PDZRN3: variants seen among roughly 807,000 people sequenced by gnomAD.
PDZRN3 encodes the protein PDZ domain containing ring finger 3, also known as E3 ubiquitin-protein ligase PDZRN3.
A neutral mutation model predicts 85.7 loss-of-function variants in PDZRN3; 38 were observed. That is an observed-to-expected ratio of 0.44 (90% CI 0.34 to 0.58). The LOEUF is 0.58. Among genes scored for constraint, PDZRN3 ranks in the 20% least tolerant of loss-of-function variants. The pLI is 0.01. For synonymous variants in PDZRN3, 759 were observed against 638.0 expected, an observed-to-expected ratio of 1.19 and a Z score of -2.86; for missense variants, 1,629 against 1,506.4, an observed-to-expected ratio of 1.08 and a Z score of -1.35.
chr3:73,624,604 A>G lies in PDZRN3; in HGVS notation c.222T>C (p.Leu74=), dbSNP rs768291704. The G allele has an allele frequency of 1.3e-5, 20 of 1,557,032 alleles. No homozygotes were observed. The highest frequency in any genetic ancestry group is 1.6e-5 in the Non-Finnish European group (18 of 1,155,466). Residue 74 remains leucine (L), a synonymous_variant, in exon 1 of 10, where the codon CTT becomes CTC. Transcript: ENST00000263666. The stretch of plus-strand genomic sequence containing the variant: ...CGCACTTGATGTCCAGCTTGAGGAT[A>G]AGGCGCTTGAGCGGCAGGACGTGGT... ...ELNHVLPLKR[L]ILKLDIKCAY...
intron 3 of PDZRN3, among the ~76,000 whole-genome samples, chr3:73,472,075 T>C (rs1703354048): frequency 6.6e-6 from 1 of 152,010 alleles, no homozygotes; most frequent in South Asian, 2.1e-4. Flanking sequence ...GAGAGAAATC[T>C]AGGTGAAAGT....
At position 73,597,508 on chromosome 3, in the gene PDZRN3, G is replaced by A. The variant is rs543971295; in HGVS notation, c.918+4846C>T. On this transcript the variant is annotated intron_variant, in intron 3 of 9. Coordinates refer to ENST00000263666, the MANE Select transcript of PDZRN3 (RefSeq NM_015009.3). Reference sequence around the variant, plus strand: ...GTCTCCCACTTTCATTGGATCCAGGGAATCAAGATTGCTAGCTCAAAGCAG... The same window carrying A: ...GTCTCCCACTTTCATTGGATCCAGGAAATCAAGATTGCTAGCTCAAAGCAG... Among the ~76,000 whole-genome samples, 465 of 152,184 alleles carry A rather than the reference G, an allele frequency of 3.1e-3. 2 individuals are homozygous for A. The highest frequency in any genetic ancestry group is 5.7e-3 in the Admixed American group (87 of 15,262).
intron 3 of PDZRN3, among the ~76,000 whole-genome samples, chr3:73,593,553 T>C (rs975775015): frequency 1.3e-5 from 2 of 152,150 alleles, no homozygotes; most frequent in Non-Finnish European, 2.9e-5. Flanking sequence ...TGCGTTTCCA[T>C]ACCTGGCGCC....
At chr3:73,554,158 G>C (rs1701632843) in intron 3 of PDZRN3, among the ~76,000 whole-genome samples, 1 of 152,134 alleles carries the variant, frequency 6.6e-6, no homozygotes, top group African/African-American at 2.4e-5. Context: ...TCAGAAGAAA[G>C]GCCTGGTGAA....
At chr3:73,556,816 C>T (rs1389716633) in intron 3 of PDZRN3, 1 of 152,266 alleles carries the variant, frequency 6.6e-6, no homozygotes, top group African/African-American at 2.4e-5. Context: ...CCACCAGTCT[C>T]TTTCAAGAAT....
At chr3:73,433,859 G>C (rs1314119743) in intron 3 of PDZRN3, 34 of 1,439,782 alleles carry the variant, frequency 2.4e-5, no homozygotes, top group Non-Finnish European at 3.0e-5. Flanking sequence ...TCAGAGGCTA[G>C]ACAACAACTC....
intron 3 of PDZRN3, among the ~76,000 whole-genome samples, chr3:73,581,246 A>C (rs1477324905): frequency 1.3e-5 from 2 of 152,170 alleles, no homozygotes; most frequent in African/African-American, 4.8e-5. Flanking sequence ...TCATATTTTA[A>C]AACACACTAA....
intron 6 of PDZRN3, among the ~76,000 whole-genome samples, chr3:73,390,442 C>T (rs1458633844): frequency 6.6e-6 from 1 of 152,008 alleles, no homozygotes; most frequent in Non-Finnish European, 1.5e-5. Context: ...ATTTTATTTC[C>T]TGACAAAATT....
chr3:73,617,682 G>A (rs540563876), intron 1 of PDZRN3, among the ~76,000 whole-genome samples: 19 of 152,188 alleles, frequency 1.2e-4, no homozygotes, highest in Non-Finnish European at 2.1e-4. Flanking sequence ...TTCCATCCAG[G>A]ACATCATCTC....
At chr3:73,559,125 T>C (rs1393196355) in intron 3 of PDZRN3, among the ~76,000 whole-genome samples, 3 of 152,054 alleles carry the variant, frequency 2.0e-5, no homozygotes, top group African/African-American at 7.3e-5. Flanking sequence ...ATTAGTGGGA[T>C]GGCGGGGGTT....
chr3:73,598,499 C>T (rs1356878817), intron 3 of PDZRN3, among the ~76,000 whole-genome samples: 1 of 152,220 alleles, frequency 6.6e-6, no homozygotes, highest in African/African-American at 2.4e-5. Context: ...AATCAGAAGC[C>T]AATACTGAGT....
chr3:73,549,293 C>A (rs536365820), intron 3 of PDZRN3, among the ~76,000 whole-genome samples: 2 of 152,122 alleles, frequency 1.3e-5, no homozygotes, highest in Non-Finnish European at 2.9e-5. Context: ...TATTCATTAG[C>A]GGTCTGTCAA....
intron 3 of PDZRN3, among the ~76,000 whole-genome samples, chr3:73,507,471 T>C (rs1704089041): frequency 6.6e-6 from 1 of 152,066 alleles, no homozygotes; most frequent in African/African-American, 2.4e-5. Context: ...TGCCCGGCCA[T>C]TTCATTCTCA....
intron 5 of PDZRN3, among the ~76,000 whole-genome samples, chr3:73,398,871 T>C (rs1180534484): frequency 6.6e-6 from 1 of 152,202 alleles, no homozygotes; most frequent in Non-Finnish European, 1.5e-5. Flanking sequence ...CGCAGTGGTA[T>C]AGTGTTTCCT....
At chr3:73,510,483 A>T (rs535627924) in intron 3 of PDZRN3, among the ~76,000 whole-genome samples, 1 of 152,338 alleles carries the variant, frequency 6.6e-6, no homozygotes, top group Admixed American at 6.5e-5. Flanking sequence ...TAAATAAAGC[A>T]TGTGCTCTAT....
intron 3 of PDZRN3, among the ~76,000 whole-genome samples, chr3:73,467,999 G>A (rs1703254478): frequency 6.6e-6 from 1 of 152,110 alleles, no homozygotes; most frequent in African/African-American, 2.4e-5. Context: ...TTATTTGCAA[G>A]ATGAGAAAAT....
chr3:73,481,530 A>G (rs554932301), intron 3 of PDZRN3, among the ~76,000 whole-genome samples: 9 of 152,148 alleles, frequency 5.9e-5, no homozygotes, highest in African/African-American at 2.2e-4. Context: ...GGGTTTCTCC[A>G]TGTTGGTCAG....
At chr3:73,621,395 G>C (rs186797450) in intron 1 of PDZRN3, among the ~76,000 whole-genome samples, 1 of 152,280 alleles carries the variant, frequency 6.6e-6, no homozygotes, top group Non-Finnish European at 1.5e-5. Flanking sequence ...GCAAACATTA[G>C]GGCTTATTTT....
Position 73,482,417 on chromosome 3 carries a change from T to C in PDZRN3, c.919-78022A>G, listed in dbSNP as rs113516439. ...CTTCATTCTCTTCTAAAAAAAATAG[T>C]GGACAACTTTAGATAGACACAACCT... On this transcript the variant is annotated intron_variant, in intron 3 of 9. Coordinates refer to ENST00000263666, the MANE Select transcript of PDZRN3 (RefSeq NM_015009.3). Among the ~76,000 whole-genome samples the C allele has an allele frequency of 3.3e-3, 499 of 152,298 alleles. 2 individuals carry two copies. Among genetic ancestry groups the C allele is most frequent in the African/African-American group, 0.012 (480 of 41,540 alleles).
Sources: gnomAD v4.1 joint callset for allele counts (sites outside exome capture counted in the v4.1 genomes callset) on GRCh38, gnomAD v4.1.1 for gene constraint, MANE v1.5 for transcripts, NCBI Gene and HGNC (gene_info 2026-07-23, HGNC 2026-07-21) for gene names.